Variants in UBN1 observed in about 807,000 individuals in gnomAD.
The protein encoded by UBN1 is ubinuclein 1.
UBN1 carries 17 observed loss-of-function variants against 108.5 expected under a neutral mutation model. That is an observed-to-expected ratio of 0.16 (90% CI 0.11 to 0.24). UBN1 has a LOEUF of 0.24. UBN1 is among the 10% of genes least tolerant of loss of function. The pLI is 1.00. For synonymous variants in UBN1, 726 were observed against 564.2 expected (o/e 1.29, Z -4.07); for missense variants, 1,595 against 1,394.4 (o/e 1.14, Z -2.29).
At position 4,877,873 on chromosome 16, in the gene UBN1, C is replaced by A; in HGVS notation, c.3355+399C>A. The A allele has an allele frequency of 1.0e-6, 1 of 968,450 alleles. No homozygotes were observed. Among genetic ancestry groups the A allele is most frequent in the Non-Finnish European group, 1.2e-6 (1 of 812,898 alleles). The allele number at this position is 968,450 out of a possible 1,614,324, so 60.0% of individuals were successfully genotyped here. On this transcript the variant is annotated intron_variant, in intron 17 of 17. Coordinates refer to ENST00000262376, the MANE Select transcript of UBN1 (RefSeq NM_001079514.3). The surrounding 1 kb of genome is among the most constrained non-coding windows in gnomAD (Gnocchi z 4.3). Reference sequence around the variant, plus strand: ...TTGGGTACAACAAGGTCTTGGAATGCAAGCTGCTCCACTGTCAGATGTGAT... The same window carrying A: ...TTGGGTACAACAAGGTCTTGGAATGAAAGCTGCTCCACTGTCAGATGTGAT...
chr16:4,876,920 C>T lies in UBN1; in HGVS notation c.3074C>T (p.Ser1025Leu). 1 of 1,613,918 alleles carries T rather than the reference C, an allele frequency of 6.2e-7. No homozygotes were observed. Among genetic ancestry groups the T allele is most frequent in the Non-Finnish European group, 8.5e-7 (1 of 1,179,884 alleles). The change falls in exon 16 of 18, where the codon TCA becomes TTA. Residue 1025 changes from serine (S) to leucine (L), a missense_variant. Physicochemically the swap from Ser to Leu is moderately radical, Grantham distance 145. Around this residue, in one of 3 missense-constraint regions of UBN1, gnomAD observed 1,398 missense variants for 1,194.7 expected, o/e 1.17. Transcript: ENST00000262376. ...CTGGCCGGCTCCTCTTTGATGGCTTCACCCTACAAATCCAGCAGCCCAAAG... is the reference window on the plus strand; with the variant it reads ...CTGGCCGGCTCCTCTTTGATGGCTTTACCCTACAAATCCAGCAGCCCAAAG... ...VLLAGSSLMA[S>L]PYKSSSPKLS...
chr16:4,870,365 C>T (rs1331717508), intron 9 of UBN1, 24 bp downstream of exon 9: 1 of 1,613,312 alleles, frequency 6.2e-7, no homozygotes, highest in South Asian at 1.1e-5. Flanking sequence ...GAGTGAAGCC[C>T]TTTGGCTTTG....
intron 1 of UBN1, among the ~76,000 whole-genome samples, chr16:4,851,498 G>C (rs768454409): frequency 2.6e-5 from 4 of 152,014 alleles, no homozygotes. Flanking sequence ...GATCTGGTTG[G>C]AGACGAACAT....
rs191701746 is a variant in UBN1 at position 4,860,860 on chromosome 16, C to G, written c.868C>G (p.Leu290Val). ...RELEGASDPL[L>V]SLFGSTSDND... is the part of the protein sequence containing the mutation. Reference sequence around the variant, plus strand: ...ACTGGAGGGTGCCTCTGACCCCTTGCTCTCACTCTTTGGCTCTACTTCTGA... The same window carrying G: ...ACTGGAGGGTGCCTCTGACCCCTTGGTCTCACTCTTTGGCTCTACTTCTGA... Residue 290 changes from leucine (L) to valine (V), a missense_variant, in exon 7 of 18, where the codon CTC (leucine) becomes GTC (valine). Leu to Val is a conservative substitution (Grantham distance 32, BLOSUM62 1). This residue lies in a region of UBN1 where 1,398 missense variants were observed against 1,194.7 expected (regional missense o/e 1.17). Transcript: ENST00000262376. The G allele has an allele frequency of 1.9e-4, 303 of 1,614,272 alleles. No homozygotes were observed. The East Asian group carries it at 4.0e-3, about 21-fold the overall frequency.
rs1437345473 is a variant in UBN1 at position 4,874,656 on chromosome 16, C to A, written c.2246C>A (p.Ser749Tyr). The change falls in exon 15 of 18, where the codon TCC (serine) becomes TAC (tyrosine). Residue 749 changes from serine (S) to tyrosine (Y), a missense_variant. Ser to Tyr is a moderately radical substitution (Grantham distance 144). Around this residue, in one of 3 missense-constraint regions of UBN1, gnomAD observed 1,398 missense variants for 1,194.7 expected, o/e 1.17. Transcript: ENST00000262376. ...GAACAGGCTCTGGCACTGGGGCAGT[C>A]CTCTCAGGAGAAAAAACCAGAGAGT... ...LAEQALALGQ[S>Y]SQEKKPESSG... 2 of 1,614,086 alleles carry A rather than the reference C, an allele frequency of 1.2e-6. No individual in the cohort carries two copies. The highest frequency in any genetic ancestry group is 1.7e-6 in the Non-Finnish European group (2 of 1,180,054).
At position 4,879,877 on chromosome 16, in the gene UBN1, T is replaced by C. The variant is rs564476532; in HGVS notation, c.3356-206T>C. Among the ~76,000 whole-genome samples the C allele has an allele frequency of 2.0e-5, 3 of 152,302 alleles. No homozygotes were observed. In the East Asian group the frequency reaches 5.8e-4, roughly 29 times the overall value. On this transcript the variant is annotated intron_variant, in intron 17 of 17. Transcript: ENST00000262376. ...GCTGAGTGACCACCGACCTTCACAGTGCTAGTGTGCTTGCAGGCTGTGGCC... is the reference window on the plus strand; with the variant it reads ...GCTGAGTGACCACCGACCTTCACAGCGCTAGTGTGCTTGCAGGCTGTGGCC...
chr16:4,866,191 T>A (rs764436814), intron 7 of UBN1, among the ~76,000 whole-genome samples: 3 of 152,188 alleles, frequency 2.0e-5, no homozygotes, highest in Non-Finnish European at 2.9e-5. Context: ...AGTGCTAAGG[T>A]AGAATTCTGA....
Position 4,877,651 on chromosome 16 carries a change from G to C in UBN1, c.3355+177G>C. Reference sequence around the variant, plus strand: ...CAGGGTGACACGCACTTCTACTCTTGGGGTTTCCTCTGGTCCCCACTTGGA... The same window carrying C: ...CAGGGTGACACGCACTTCTACTCTTCGGGTTTCCTCTGGTCCCCACTTGGA... On this transcript the variant is annotated intron_variant, in intron 17 of 17. Transcript: ENST00000262376. The surrounding 1 kb of genome is among the most constrained non-coding windows in gnomAD (Gnocchi z 4.3). The C allele has an allele frequency of 7.6e-7, 1 of 1,312,996 alleles. No individual in the cohort carries two copies. Among genetic ancestry groups the C allele is most frequent in the African/African-American group, 1.5e-5 (1 of 65,456 alleles). The allele number at this position is 1,312,996 out of a possible 1,614,324, so 81.3% of individuals were successfully genotyped here. A position where few individuals can be genotyped will look rare whatever the true frequency, so the allele number is the denominator to read the frequency against.
At chr16:4,872,707 G>A (rs2087706691) in intron 12 of UBN1, among the ~76,000 whole-genome samples, 177 bp from the exon 13 acceptor site, 1 of 152,206 alleles carries the variant, frequency 6.6e-6, no homozygotes, top group African/African-American at 2.4e-5. Context: ...GACCTCAGGT[G>A]ATCCACCTGC....
chr16:4,868,884 A>G lies in UBN1; in HGVS notation c.1162A>G (p.Ile388Val), dbSNP rs375083367. ...ESRQKFFTQD[I>V]NGILLDIEAQ... is the part of the protein sequence containing the mutation. The stretch of plus-strand genomic sequence containing the variant: ...CAGACAGAAGTTCTTCACCCAGGAT[A>G]TTAATGGAATCCTATTAGAGTGAGT... The change falls in exon 8 of 18, where the codon ATT (isoleucine) becomes GTT (valine). Residue 388 changes from isoleucine (I) to valine (V), a missense_variant. Ile to Val is a conservative substitution (Grantham distance 29, BLOSUM62 3). This residue lies in a region of UBN1 where 1,398 missense variants were observed against 1,194.7 expected (regional missense o/e 1.17). Transcript: ENST00000262376. The G allele has an allele frequency of 5.0e-6, 8 of 1,613,816 alleles. No homozygotes were observed. In the African/African-American group the frequency reaches 1.1e-4, roughly 22 times the overall value.
chr16:4,861,863 AC>A (rs1392480922), intron 7 of UBN1, among the ~76,000 whole-genome samples: 1 of 152,098 alleles, frequency 6.6e-6, no homozygotes, highest in African/African-American at 2.4e-5. Context: ...AATCGCTTGA[AC>A]CCAGGAGGCG....
At chr16:4,870,725 C>G in intron 10 of UBN1, 91 bp downstream of exon 10, 2 of 1,585,420 alleles carry the variant, frequency 1.3e-6, no homozygotes, top group East Asian at 4.5e-5. Context: ...TCCCAAGGAG[C>G]CTCTTGGCTC....
intron 1 of UBN1, 63 bp from the exon 2 acceptor site, chr16:4,852,816 A>G (rs2086620807): frequency 2.1e-6 from 3 of 1,411,188 alleles, no homozygotes; most frequent in Non-Finnish European, 2.9e-6. Context: ...AATCTCTTTA[A>G]TTAGGCAGGT....
At chr16:4,858,222 T>A in intron 3 of UBN1, 146 bp downstream of exon 3, 5 of 694,890 alleles carry the variant, frequency 7.2e-6, no homozygotes. Flanking sequence ...TTATTAAACC[T>A]AACGCATTAA....
intron 7 of UBN1, among the ~76,000 whole-genome samples, chr16:4,865,954 T>C (rs912348235): frequency 2.0e-5 from 3 of 151,854 alleles, no homozygotes; most frequent in Non-Finnish European, 4.4e-5. Flanking sequence ...AGAACAAGAC[T>C]CCGTCTCAAA....
chr16:4,847,924 A>G lies in UBN1; in HGVS notation c.-326A>G, dbSNP rs963676061. On this transcript the variant is annotated 5_prime_UTR_variant, in exon 1 of 18. Coordinates refer to ENST00000262376, the MANE Select transcript of UBN1 (RefSeq NM_001079514.3). ...TCTGAGCGCGGGGTCCCGCGCCGCA[A>G]GTTCTCCTGGGGCGACCGGAGGCTG... is the stretch of plus-strand genomic sequence containing the variant. The G allele has an allele frequency of 6.6e-6, 1 of 152,446 alleles. No homozygotes were observed. The highest frequency in any genetic ancestry group is 2.4e-5 in the African/African-American group (1 of 41,426). 9.4% of individuals were successfully genotyped at this position (152,446 alleles called of 1,614,324 possible).
chr16:4,870,503 C>G lies in UBN1; in HGVS notation c.1312-13C>G, dbSNP rs756300397. The G allele has an allele frequency of 6.2e-7, 1 of 1,614,050 alleles. No homozygotes were observed. Among genetic ancestry groups the G allele is most frequent in the Admixed American group, 1.7e-5 (1 of 60,016 alleles). ...GTGTAAACCTGCCTTGAATTGTGTC[C>G]CGCTCTTCGCAGGGGGGCCGTCTGA... On this transcript the variant is annotated splice_polypyrimidine_tract_variant and intron_variant, in intron 9 of 17. Coordinates refer to ENST00000262376, the MANE Select transcript of UBN1 (RefSeq NM_001079514.3).
Position 4,870,341 on chromosome 16 carries a change from G to A in UBN1, c.1311G>A (p.Gln437=). 1 of 1,614,108 alleles carries A rather than the reference G, an allele frequency of 6.2e-7. No homozygotes were observed. Among genetic ancestry groups the A allele is most frequent in the Non-Finnish European group, 8.5e-7 (1 of 1,180,000 alleles). ...CTCGGAAACTTCACCTCTATGAACA[G>A]GTGGGTGACTCTAGAGTGAAGCCCT... is the stretch of plus-strand genomic sequence containing the variant. ...KRARKLHLYE[Q]GGRLKEPLQK... The change falls in exon 9 of 18, where the codon CAG becomes CAA. Residue 437 remains glutamine, a splice_region_variant and synonymous_variant. Coordinates refer to ENST00000262376, the MANE Select transcript of UBN1 (RefSeq NM_001079514.3).
At chr16:4,870,103 A>G (rs1001500784) in intron 8 of UBN1, 109 bp from the exon 9 acceptor site, 73 of 1,516,066 alleles carry the variant, frequency 4.8e-5, no homozygotes, top group Non-Finnish European at 6.2e-5. Flanking sequence ...CCAACAAGAC[A>G]GGGTTTGACT....
Sources: allele counts gnomAD v4.1 joint callset (sites outside exome capture counted in the v4.1 genomes callset), GRCh38; gene constraint gnomAD v4.1.1; regional missense constraint gnomAD v4.1.1; non-coding constraint Gnocchi (gnomAD v3.1); transcripts MANE v1.5; gene names NCBI Gene and HGNC (gene_info 2026-07-23, HGNC 2026-07-21).